The following PLA2G7 variants were observed in gnomAD, a reference collection of about 807,000 sequenced individuals.
The protein encoded by PLA2G7 is phospholipase A2 group VII, also known as platelet-activating factor acetylhydrolase.
PLA2G7 carries 63 observed loss-of-function variants against 49.6 expected under a neutral mutation model. That is an observed-to-expected ratio of 1.27 (90% CI 1.04 to 1.57). PLA2G7 has a LOEUF of 1.57. Ranked by LOEUF, PLA2G7 falls within the 40% of genes most tolerant of loss-of-function variation. The probability of loss-of-function intolerance (pLI) is 0.00; values close to 1 mark genes in which losing one functional copy is unlikely to be tolerated. For missense variants in PLA2G7, 596 were observed against 521.2 expected (o/e 1.14, Z -1.40); for synonymous variants, 193 against 169.9 (o/e 1.14, Z -1.06).
In PLA2G7 at chr6:46,717,709, C is replaced by CTTTTTTTTTTTT. The variant is rs760308042; in HGVS notation, c.110-614_110-613insAAAAAAAAAAAA. Among the ~76,000 whole-genome samples, 6 of 116,202 alleles carry CTTTTTTTTTTTT rather than the reference C, an allele frequency of 5.2e-5. 1 individual carries two copies. Among genetic ancestry groups the CTTTTTTTTTTTT allele is most frequent in the African/African-American group, 7.7e-5 (2 of 26,064 alleles). The allele number at this position is 116,202 out of a possible 152,430, so 76.2% of individuals were successfully genotyped here. Reference sequence around the variant, plus strand: ...GGAGCCTCTATTTTCTTTCTTTTTTCTTTTTCTTTTTTTTTTTTTTTGAGA... The same window carrying CTTTTTTTTTTTT: ...GGAGCCTCTATTTTCTTTCTTTTTTCTTTTTTTTTTTTTTTTTCTTTTTTTTTTTTTTTGAGA... On this transcript the variant is annotated intron_variant, in intron 2 of 11. Transcript: ENST00000274793.
chr6:46,728,765 G>A (rs755436139), intron 1 of PLA2G7, among the ~76,000 whole-genome samples: 1 of 152,178 alleles, frequency 6.6e-6, no homozygotes, highest in Non-Finnish European at 1.5e-5. Context: ...AAGAGTAACT[G>A]GATCTGTTGA....
At chr6:46,710,706 C>CACTT in intron 7 of PLA2G7, 48 bp from the exon 8 acceptor site, 1 of 1,415,640 alleles carries the variant, frequency 7.1e-7, no homozygotes, top group Non-Finnish European at 1.0e-6. Flanking sequence ...AAAGTTATAA[C>CACTT]ACTTATTTTA....
chr6:46,721,102 G>A (rs1028448694), intron 2 of PLA2G7, among the ~76,000 whole-genome samples: 2 of 152,264 alleles, frequency 1.3e-5, no homozygotes, highest in Admixed American at 1.3e-4. Flanking sequence ...GTGCAGTGGT[G>A]CAATCTCAGC....
At chr6:46,714,349 T>A in intron 5 of PLA2G7, 111 bp downstream of exon 5, 1 of 788,622 alleles carries the variant, frequency 1.3e-6, no homozygotes, top group East Asian at 2.4e-5. Flanking sequence ...GAAACCCAAC[T>A]CCTCCAGACA....
rs763332680 is a variant in PLA2G7 at position 46,712,321 on chromosome 6, T to G, written c.487A>C (p.Ile163Leu). 1 of 1,611,934 alleles carries G rather than the reference T, an allele frequency of 6.2e-7. No individual in the cohort carries two copies. Among genetic ancestry groups the G allele is most frequent in the East Asian group, 2.2e-5 (1 of 44,832 alleles). The change falls in exon 6 of 12, where the codon ATT (isoleucine) becomes CTT (leucine). Residue 163 changes from isoleucine (I) to leucine (L), a missense_variant. Coordinates refer to ENST00000274793, the MANE Select transcript of PLA2G7 (RefSeq NM_005084.4). The part of the protein sequence containing the change: ...LGAFRTLYSA[I>L]GIDLASHGFI... ...CCATGAGATGCCAGGTCAATGCCAA[T>G]AGCAGAATAAAGTGTCCTTCAAAAC...
intron 1 of PLA2G7, among the ~76,000 whole-genome samples, chr6:46,723,432 A>G (rs777488579): frequency 5.9e-5 from 9 of 152,206 alleles, no homozygotes; most frequent in Non-Finnish European, 1.2e-4. Flanking sequence ...CTACTATGAT[A>G]TAAGTTTCCA....
intron 2 of PLA2G7, 45 bp from the exon 3 acceptor site, chr6:46,717,141 T>C (rs373199502): frequency 5.8e-6 from 9 of 1,554,056 alleles, no homozygotes; most frequent in African/African-American, 4.1e-5. Context: ...CCATTACATA[T>C]CAGATTTTAT....
chr6:46,707,006 C>CTT (rs1231706570), intron 10 of PLA2G7, among the ~76,000 whole-genome samples: 2 of 152,096 alleles, frequency 1.3e-5, no homozygotes, highest in African/African-American at 4.8e-5. Context: ...CTTCTCTTCT[C>CTT]CTAAATAAAC....
chr6:46,719,822 A>G (rs563639030), intron 2 of PLA2G7, among the ~76,000 whole-genome samples: 1 of 152,342 alleles, frequency 6.6e-6, no homozygotes, highest in South Asian at 2.1e-4. Flanking sequence ...CCTTCCCCAG[A>G]GTCCATTTAC....
At chr6:46,726,170 C>T (rs577194246) in intron 1 of PLA2G7, among the ~76,000 whole-genome samples, 1 of 152,300 alleles carries the variant, frequency 6.6e-6, no homozygotes, top group South Asian at 2.1e-4. Context: ...AACCTACAAT[C>T]AGATTAGAGT....
At chr6:46,732,401 A>C (rs921749922) in intron 1 of PLA2G7, among the ~76,000 whole-genome samples, 4 of 145,976 alleles carry the variant, frequency 2.7e-5, no homozygotes, top group African/African-American at 5.1e-5. Flanking sequence ...ACACACACAC[A>C]CCACTATACT....
At chr6:46,710,484 T>C (rs1439800496) in intron 8 of PLA2G7, 61 bp downstream of exon 8, 1 of 1,127,414 alleles carries the variant, frequency 8.9e-7, no homozygotes, top group South Asian at 1.2e-5. Context: ...AGCAGAAAAT[T>C]AAATGACAAA....
Position 46,705,251 on chromosome 6 carries a change from A to T in PLA2G7, c.1091T>A (p.Ile364Lys). The T allele has an allele frequency of 1.2e-6, 2 of 1,611,394 alleles. No homozygotes were observed. Among genetic ancestry groups the T allele is most frequent in the Non-Finnish European group, 1.7e-6 (2 of 1,177,704 alleles). ...CTTTAATTTGAGCATGTGTCCAATTATTTTGCCAGTTGCAAAAGTGAAGTC... is the reference window on the plus strand; with the variant it reads ...CTTTAATTTGAGCATGTGTCCAATTTTTTTGCCAGTTGCAAAAGTGAAGTC... The part of the protein sequence containing the change: ...FADFTFATGK[I>K]IGHMLKLKGD... The change falls in exon 11 of 12, where the codon ATA (isoleucine) becomes AAA (lysine). Residue 364 changes from isoleucine (I) to lysine (K), a missense_variant. By Grantham distance (102) the Ile-to-Lys change is moderately radical. Coordinates refer to ENST00000274793, the MANE Select transcript of PLA2G7 (RefSeq NM_005084.4).
chr6:46,731,251 G>A (rs1237070096), intron 1 of PLA2G7, among the ~76,000 whole-genome samples: 2 of 152,108 alleles, frequency 1.3e-5, no homozygotes, highest in East Asian at 3.8e-4. Flanking sequence ...AGTGATAAAC[G>A]AGAGAAAATT....
intron 10 of PLA2G7, among the ~76,000 whole-genome samples, chr6:46,706,797 GA>G (rs1175713274): frequency 6.6e-6 from 1 of 152,202 alleles, no homozygotes; most frequent in Non-Finnish European, 1.5e-5. Context: ...TTTAGAATTA[GA>G]AAGAGTTGCA....
In PLA2G7 at chr6:46,712,420, G is replaced by A. The variant is rs1765059407; in HGVS notation, c.471-83C>T. 4 of 1,005,842 alleles carry A rather than the reference G, an allele frequency of 4.0e-6. No homozygotes were observed. The South Asian group carries it at 5.2e-5, about 13-fold the overall frequency. 62.3% of individuals were successfully genotyped at this position (1,005,842 alleles called of 1,614,324 possible). A position where few individuals can be genotyped will look rare whatever the true frequency, so the allele number is the denominator to read the frequency against. On this transcript the variant is annotated intron_variant, in intron 5 of 11. Coordinates refer to ENST00000274793, the MANE Select transcript of PLA2G7 (RefSeq NM_005084.4). ...CCACTAATAAAACTGGGAACATGGA[G>A]GCCATTACACCCCTGTAGTAGTGCC...
intron 1 of PLA2G7, among the ~76,000 whole-genome samples, chr6:46,731,607 G>GAAA (rs1765736352): frequency 6.6e-6 from 1 of 152,110 alleles, no homozygotes. Flanking sequence ...TCTCCGAACA[G>GAAA]AGAAAGATAC....
chr6:46,712,395 C>A lies in PLA2G7; in HGVS notation c.471-58G>T. On this transcript the variant is annotated intron_variant, in intron 5 of 11. Transcript: ENST00000274793. Reference sequence around the variant, plus strand: ...ACCAGTCATGATTACAAGGCTGAGTCCACTAATAAAACTGGGAACATGGAG... The same window carrying A: ...ACCAGTCATGATTACAAGGCTGAGTACACTAATAAAACTGGGAACATGGAG... The A allele has an allele frequency of 3.0e-6, 4 of 1,313,436 alleles. No homozygotes were observed. In the South Asian group the frequency reaches 4.7e-5, roughly 16 times the overall value. 81.4% of individuals were successfully genotyped at this position (1,313,436 alleles called of 1,614,324 possible).
rs1562072048 is a variant in PLA2G7, at chr6:46,714,478, T to A, written c.452A>T (p.His151Leu). Residue 151 changes from histidine to leucine, a missense_variant, in exon 5 of 12, where the codon CAT becomes CTT. Coordinates refer to ENST00000274793, the MANE Select transcript of PLA2G7 (RefSeq NM_005084.4). ...ACATTACCTGAATGCCCCAAGACCA[T>A]GAGAAAAAACAACAAGTGGATATTT... ...GEKYPLVVFS[H>L]GLGAFRTLYS... The A allele has an allele frequency of 1.2e-6, 2 of 1,610,820 alleles. No individual in the cohort carries two copies. The highest frequency in any genetic ancestry group is 1.7e-6 in the Non-Finnish European group (2 of 1,177,280).
Sources: allele counts gnomAD v4.1 joint callset (sites outside exome capture counted in the v4.1 genomes callset), GRCh38; gene constraint gnomAD v4.1.1; transcripts MANE v1.5; gene names NCBI Gene and HGNC (gene_info 2026-07-23, HGNC 2026-07-21).